GALNTL6: variants seen among roughly 807,000 people sequenced by gnomAD.
GALNTL6 encodes polypeptide N-acetylgalactosaminyltransferase-like 6.
A neutral mutation model predicts 73.7 loss-of-function variants in GALNTL6; 46 were observed. That is an observed-to-expected ratio of 0.62 (90% confidence interval 0.49 to 0.80). The LOEUF is 0.80. GALNTL6 is among the 30% of genes least tolerant of loss of function. GALNTL6 has a pLI of 0.00. For missense variants in GALNTL6, 604 were observed against 755.0 expected (o/e 0.80, Z 2.34); for synonymous variants, 259 against 263.7 (o/e 0.98, Z 0.17).
intron 2 of GALNTL6, among the ~76,000 whole-genome samples, chr4:172,054,167 T>A (rs1295525172): frequency 6.6e-6 from 1 of 151,948 alleles, no homozygotes; most frequent in Non-Finnish European, 1.5e-5. Flanking sequence ...CATACTTAAT[T>A]TTTCTATTAA....
chr4:172,116,000 A>T (rs75742391), intron 2 of GALNTL6, among the ~76,000 whole-genome samples: 10,209 of 152,038 alleles, frequency 0.067, 349 homozygotes, highest in South Asian at 0.13. Context: ...AGTATTAATT[A>T]AAAAAATGAG....
intron 5 of GALNTL6, among the ~76,000 whole-genome samples, chr4:172,468,463 C>T (rs1732921115): frequency 6.6e-6 from 1 of 152,114 alleles, no homozygotes; most frequent in African/African-American, 2.4e-5. Flanking sequence ...GTTATATAAT[C>T]TATTGGGTAC....
intron 5 of GALNTL6, among the ~76,000 whole-genome samples, chr4:172,626,001 G>A (rs1168038399): frequency 6.6e-6 from 1 of 152,018 alleles, no homozygotes; most frequent in Admixed American, 6.6e-5. Flanking sequence ...TTCTTTGGCT[G>A]TACAGAAGCC....
At chr4:172,777,848 A>G (rs2110886577) in intron 5 of GALNTL6, among the ~76,000 whole-genome samples, 1 of 152,302 alleles carries the variant, frequency 6.6e-6, no homozygotes, top group Non-Finnish European at 1.5e-5. Context: ...AGGCAATGAT[A>G]CCCACACAGG....
In GALNTL6 at chr4:172,220,947, G is replaced by A. The variant is rs567246713; in HGVS notation, c.139-8709G>A. Among the ~76,000 whole-genome samples the A allele has an allele frequency of 5.3e-5, 8 of 151,898 alleles. No homozygotes were observed. The South Asian group carries it at 1.7e-3, about 31-fold the overall frequency. On this transcript the variant is annotated intron_variant, in intron 2 of 12. Transcript: ENST00000506823. ...TGGTCAAATTAAACATATTTATATA[G>A]GCATATTTTAGGAATATGAAACAGA...
At chr4:172,055,234 T>G (rs1179359465) in intron 2 of GALNTL6, among the ~76,000 whole-genome samples, 1 of 152,142 alleles carries the variant, frequency 6.6e-6, no homozygotes, top group Non-Finnish European at 1.5e-5. Context: ...GCAGCCTCCT[T>G]TCGCTTTCAG....
rs1745526598 is a variant in GALNTL6, at chr4:172,882,805, T to G, written c.939T>G (p.Ala313=). 2.5e-6 allele frequency: 4 copies of G among 1,609,986 alleles called. No individual in the cohort carries two copies. Among genetic ancestry groups the G allele is most frequent in the Non-Finnish European group, 2.6e-6 (3 of 1,176,322 alleles). ...PSDPFESPVM[A]GGLFAVDRKW... ...CATTTCACAGGTCTCCTGTTATGGC[T>G]GGAGGTCTCTTTGCTGTGGATCGGA... Residue 313 remains alanine, a synonymous_variant, in exon 8 of 13, where the codon GCT becomes GCG. Coordinates refer to ENST00000506823, the MANE Select transcript of GALNTL6 (RefSeq NM_001034845.3).
chr4:171,820,500 A>T, intron 2 of GALNTL6, among the ~76,000 whole-genome samples: 1 of 152,210 alleles, frequency 6.6e-6, no homozygotes, highest in Admixed American at 6.5e-5. Flanking sequence ...GAAAAATTAA[A>T]TCCACCCAAC....
intron 12 of GALNTL6, among the ~76,000 whole-genome samples, chr4:173,029,891 C>A (rs565807666): frequency 6.6e-6 from 1 of 152,224 alleles, no homozygotes; most frequent in African/African-American, 2.4e-5. Flanking sequence ...AGCATCCATT[C>A]ATGCCTTCAT....
intron 5 of GALNTL6, among the ~76,000 whole-genome samples, chr4:172,370,794 G>A (rs1742779060): frequency 6.6e-6 from 1 of 152,112 alleles, no homozygotes; most frequent in Admixed American, 6.5e-5. Flanking sequence ...GCAGGGGGGA[G>A]GTCTAGACCT....
intron 5 of GALNTL6, among the ~76,000 whole-genome samples, chr4:172,412,437 C>T (rs1172085661): frequency 6.6e-6 from 1 of 152,114 alleles, no homozygotes. Flanking sequence ...TATCTCAAAG[C>T]ACCATTTATG....
intron 5 of GALNTL6, among the ~76,000 whole-genome samples, chr4:172,376,509 C>T (rs961653599): frequency 1.3e-5 from 2 of 152,154 alleles, no homozygotes; most frequent in African/African-American, 2.4e-5. Flanking sequence ...CTCCCAACTC[C>T]GAAGAGTCAG....
intron 2 of GALNTL6, among the ~76,000 whole-genome samples, chr4:171,868,964 A>T (rs959143880): frequency 6.6e-6 from 1 of 152,192 alleles, no homozygotes; most frequent in Non-Finnish European, 1.5e-5. Context: ...TACAGGCATG[A>T]GCCACCGTGT....
intron 5 of GALNTL6, among the ~76,000 whole-genome samples, chr4:172,803,877 T>C (rs565586803): frequency 1.3e-5 from 2 of 152,312 alleles, no homozygotes; most frequent in South Asian, 4.1e-4. Flanking sequence ...ATTCTGTTCC[T>C]TTCTTAGATG....
chr4:172,550,396 T>A (rs907680165), intron 5 of GALNTL6, among the ~76,000 whole-genome samples: 2 of 152,180 alleles, frequency 1.3e-5, no homozygotes, highest in Non-Finnish European at 2.9e-5. Flanking sequence ...AGTTATAGTT[T>A]CCTCATTAGT....
intron 2 of GALNTL6, among the ~76,000 whole-genome samples, chr4:172,098,812 G>A (rs1732428876): frequency 6.6e-6 from 1 of 152,122 alleles, no homozygotes; most frequent in African/African-American, 2.4e-5. Context: ...CAATCTAATA[G>A]TGTGATGGGT....
chr4:172,483,873 A>C (rs1450069685), intron 5 of GALNTL6, among the ~76,000 whole-genome samples: 2 of 152,216 alleles, frequency 1.3e-5, no homozygotes, highest in African/African-American at 4.8e-5. Context: ...GTGGATGAAA[A>C]TAAATAAATT....
chr4:172,993,731 G>A (rs753168213), intron 10 of GALNTL6, among the ~76,000 whole-genome samples: 7 of 152,172 alleles, frequency 4.6e-5, no homozygotes, highest in Non-Finnish European at 1.0e-4. Flanking sequence ...TTTTCAGGGA[G>A]AAATAATCTC....
At chr4:173,024,410 G>T (rs78168388) in intron 12 of GALNTL6, among the ~76,000 whole-genome samples, 6,387 of 152,324 alleles carry the variant, frequency 0.042, 167 homozygotes, top group Non-Finnish European at 0.066. Context: ...TCACATCTTG[G>T]TGGATGACTC....
Sources: allele counts gnomAD v4.1 joint callset (sites outside exome capture counted in the v4.1 genomes callset), GRCh38; gene constraint gnomAD v4.1.1; transcripts MANE v1.5; gene names NCBI Gene and HGNC (gene_info 2026-07-23, HGNC 2026-07-21).